Variants in CADPS observed in about 807,000 individuals in gnomAD.
CADPS encodes the protein calcium dependent secretion activator.
In CADPS, 57 loss-of-function variants were observed where a neutral mutation model predicts 167.3. The ratio of observed to expected loss-of-function variants is 0.34; its 90% confidence interval spans 0.28 to 0.42. CADPS has a LOEUF of 0.42. CADPS is among the 20% of genes least tolerant of loss of function. The pLI, the probability that CADPS is intolerant of heterozygous loss-of-function variation, is 1.00. For synonymous variants in CADPS, 676 were observed against 635.3 expected (o/e 1.06, Z -0.96); for missense variants, 1,414 against 1,738.1 (o/e 0.81, Z 3.32).
In CADPS at chr3:62,466,524, G is replaced by A. The variant is rs9845277; in HGVS notation, c.3478-111C>T. The A allele has an allele frequency of 8.1e-3, 5,898 of 723,964 alleles. 253 individuals are homozygous for A. In the African/African-American group the frequency reaches 0.091, roughly 11 times the overall value. The allele number at this position is 723,964 out of a possible 1,614,324, so 44.8% of individuals were successfully genotyped here. A position where few individuals can be genotyped will look rare whatever the true frequency, so the allele number is the denominator to read the frequency against. ...AAATAAAGCCTGGCCTGCGGACCCC[G>A]TTTATTTCCTTAGTCCCAGAAATAT... On this transcript the variant is annotated intron_variant, in intron 24 of 29. Transcript: ENST00000383710.
Position 62,753,833 on chromosome 3 carries a change from C to T in CADPS, c.556-60G>A, listed in dbSNP as rs1035349157. 3 of 1,496,770 alleles carry T rather than the reference C, an allele frequency of 2.0e-6. No homozygotes were observed. Among genetic ancestry groups the T allele is most frequent in the Non-Finnish European group, 2.7e-6 (3 of 1,104,698 alleles). 92.7% of individuals were successfully genotyped at this position (1,496,770 alleles called of 1,614,324 possible). On this transcript the variant is annotated intron_variant, in intron 2 of 29. Transcript: ENST00000383710. The surrounding 1 kb of genome is among the most constrained non-coding windows in gnomAD (Gnocchi z 4.6). ...GAGTTTACCACAGAGGTACCAGTTC[C>T]CTGGGGCTGGACACTGGGCCAGTCC...
intron 4 of CADPS, among the ~76,000 whole-genome samples, chr3:62,651,731 G>A (rs1002516371): frequency 2.6e-5 from 4 of 152,006 alleles, no homozygotes; most frequent in Admixed American, 6.6e-5. Context: ...ATTGCAACAC[G>A]TGCTAACCAT....
chr3:62,839,379 C>T (rs1008652193), intron 1 of CADPS, among the ~76,000 whole-genome samples: 19 of 151,934 alleles, frequency 1.3e-4, no homozygotes, highest in Admixed American at 8.5e-4. Flanking sequence ...TTAGTAGAAA[C>T]GGGGTTTCAC....
intron 6 of CADPS, among the ~76,000 whole-genome samples, chr3:62,634,722 C>A (rs759494565): frequency 2.8e-4 from 42 of 152,126 alleles, no homozygotes; most frequent in Non-Finnish European, 4.4e-4. Context: ...ATAATAAGGC[C>A]AAAGCCAAAC....
At chr3:62,711,724 G>A (rs899287370) in intron 3 of CADPS, among the ~76,000 whole-genome samples, 2 of 152,202 alleles carry the variant, frequency 1.3e-5, no homozygotes, top group African/African-American at 4.8e-5. Flanking sequence ...GCTTGGTTAT[G>A]ATCTGATCTT....
At chr3:62,859,632 G>A (rs2080390052) in intron 1 of CADPS, among the ~76,000 whole-genome samples, 1 of 152,156 alleles carries the variant, frequency 6.6e-6, no homozygotes, top group African/African-American at 2.4e-5. Context: ...TAGGCTGCCT[G>A]TGGAAAGAAG....
At chr3:62,471,464 C>T (rs1188209287) in intron 24 of CADPS, among the ~76,000 whole-genome samples, 1 of 152,040 alleles carries the variant, frequency 6.6e-6, no homozygotes, top group Non-Finnish European at 1.5e-5. Context: ...TTTATATTCT[C>T]AGTGAAGTTT....
At chr3:62,532,734 TGTG>T (rs2073971682) in intron 13 of CADPS, 134 bp downstream of exon 13, 2 of 630,518 alleles carry the variant, frequency 3.2e-6, no homozygotes, top group African/African-American at 1.8e-5. Context: ...TGTGTGTGTG[TGTG>T]TGTGTGTGTG....
intron 6 of CADPS, among the ~76,000 whole-genome samples, chr3:62,621,993 A>C (rs544782467): frequency 3.3e-5 from 5 of 151,486 alleles, no homozygotes; most frequent in Admixed American, 3.3e-4. Flanking sequence ...AATCCCACTC[A>C]TCCCACCCAT....
chr3:62,413,683 C>T (rs1404848418), intron 28 of CADPS, among the ~76,000 whole-genome samples: 3 of 152,024 alleles, frequency 2.0e-5, no homozygotes, highest in African/African-American at 7.3e-5. Flanking sequence ...AGATCGGTTG[C>T]ATAACACTGT....
At chr3:62,493,054 C>A (rs948490126) in intron 19 of CADPS, among the ~76,000 whole-genome samples, 1 of 152,120 alleles carries the variant, frequency 6.6e-6, no homozygotes, top group Non-Finnish European at 1.5e-5. Flanking sequence ...GTTTTGTATC[C>A]AGTCTGGAGG....
Position 62,730,603 on chromosome 3 carries a change from C to T in CADPS, c.888+22838G>A, listed in dbSNP as rs530642017. 1.2e-4 allele frequency among the ~76,000 whole-genome samples: 19 copies of T among 152,290 alleles called. No homozygotes were observed. In the East Asian group the frequency reaches 3.3e-3, roughly 26 times the overall value. On this transcript the variant is annotated intron_variant, in intron 3 of 29. Transcript: ENST00000383710. Reference sequence around the variant, plus strand: ...AGCTAAGATGGGGCCAATAAACATTCTGCCATGAATATTCTGCAGGCCACT... The same window carrying T: ...AGCTAAGATGGGGCCAATAAACATTTTGCCATGAATATTCTGCAGGCCACT...
intron 3 of CADPS, among the ~76,000 whole-genome samples, chr3:62,731,205 T>A (rs77690918): frequency 0.077 from 11,755 of 152,270 alleles, 592 homozygotes; most frequent in Non-Finnish European, 0.11. Context: ...AAAGTTGTGA[T>A]GAGAATTGTG....
chr3:62,482,898 A>T (rs1384229278), intron 21 of CADPS, among the ~76,000 whole-genome samples: 2 of 152,200 alleles, frequency 1.3e-5, no homozygotes, highest in African/African-American at 4.8e-5. Context: ...TTGGACAAAG[A>T]TGGATCAACT....
intron 26 of CADPS, among the ~76,000 whole-genome samples, chr3:62,450,725 G>T (rs943321521): frequency 6.6e-6 from 1 of 152,184 alleles, no homozygotes. Flanking sequence ...GTGAGCAATT[G>T]TTCATGTTTT....
chr3:62,445,148 A>G (rs939367686), intron 27 of CADPS, among the ~76,000 whole-genome samples: 1 of 152,190 alleles, frequency 6.6e-6, no homozygotes, highest in Non-Finnish European at 1.5e-5. Flanking sequence ...TTAAATGTAA[A>G]TTTTGGGAAA....
At chr3:62,631,840 T>C (rs1036931381) in intron 6 of CADPS, among the ~76,000 whole-genome samples, 2 of 152,134 alleles carry the variant, frequency 1.3e-5, no homozygotes, top group African/African-American at 2.4e-5. Context: ...TTCCTAATGG[T>C]AGAAGCCGAA....
chr3:62,777,848 C>A (rs1418927926), intron 1 of CADPS, among the ~76,000 whole-genome samples: 1 of 152,272 alleles, frequency 6.6e-6, no homozygotes, highest in South Asian at 2.1e-4. Context: ...ATCACTCAAG[C>A]CTGTCCTGAT....
chr3:62,788,900 T>G (rs545172878), intron 1 of CADPS, among the ~76,000 whole-genome samples: 1 of 152,322 alleles, frequency 6.6e-6, no homozygotes, highest in South Asian at 2.1e-4. Flanking sequence ...AGGGTACCTG[T>G]GACTCGTCTT....
Sources: allele counts gnomAD v4.1 joint callset (sites outside exome capture counted in the v4.1 genomes callset), GRCh38; gene constraint gnomAD v4.1.1; non-coding constraint Gnocchi (gnomAD v3.1); transcripts MANE v1.5; gene names NCBI Gene and HGNC (gene_info 2026-07-23, HGNC 2026-07-21).